VAV3: variants seen among roughly 807,000 people sequenced by gnomAD.
VAV3 encodes vav guanine nucleotide exchange factor 3.
A neutral mutation model predicts 131.2 loss-of-function variants in VAV3; 94 were observed. The observed-to-expected ratio is 0.72, with a 90% CI of 0.61 to 0.85. The LOEUF is 0.85. Among genes scored for constraint, VAV3 ranks in the 40% least tolerant of loss-of-function variants. The pLI, the probability that VAV3 is intolerant of heterozygous loss-of-function variation, is 0.00. For synonymous variants in VAV3, 349 were observed against 342.0 expected (o/e 1.02, Z -0.22); for missense variants, 939 against 1,002.7 (o/e 0.94, Z 0.86).
intron 2 of VAV3, among the ~76,000 whole-genome samples, chr1:107,810,695 T>C (rs1667275843): frequency 6.6e-6 from 1 of 152,124 alleles, no homozygotes; most frequent in African/African-American, 2.4e-5. Context: ...TATTTTTCTA[T>C]ACAAGCATAA....
intron 22 of VAV3, among the ~76,000 whole-genome samples, chr1:107,608,013 G>A (rs1251817897): frequency 6.6e-6 from 1 of 152,000 alleles, no homozygotes; most frequent in Non-Finnish European, 1.5e-5. Flanking sequence ...ACATCAAACT[G>A]CCTGCTTAGT....
intron 17 of VAV3, chr1:107,688,613 TCA>T (rs1659200494): frequency 1.5e-6 from 2 of 1,356,252 alleles, no homozygotes; most frequent in Non-Finnish European, 2.0e-6. Context: ...GGAAAGTGAC[TCA>T]CAGTTTTAAA....
chr1:107,786,784 T>C (rs1233643933), intron 2 of VAV3, among the ~76,000 whole-genome samples: 1 of 152,190 alleles, frequency 6.6e-6, no homozygotes, highest in Non-Finnish European at 1.5e-5. Flanking sequence ...AAAATCTGTG[T>C]AACTAGGGTG....
chr1:107,643,476 G>A (rs1292887702), intron 19 of VAV3, among the ~76,000 whole-genome samples: 4 of 152,142 alleles, frequency 2.6e-5, no homozygotes, highest in African/African-American at 9.7e-5. Context: ...CATGGGTCTA[G>A]GTGCAGCAAT....
intron 1 of VAV3, among the ~76,000 whole-genome samples, chr1:107,898,527 T>C (rs971504479): frequency 2.6e-5 from 4 of 152,200 alleles, no homozygotes; most frequent in Admixed American, 1.3e-4. Context: ...TGTTACTTAA[T>C]ACATCCATTT....
intron 13 of VAV3, among the ~76,000 whole-genome samples, chr1:107,750,584 C>T (rs752696979): frequency 1.1e-4 from 17 of 152,276 alleles, no homozygotes; most frequent in East Asian, 7.7e-4. Flanking sequence ...TACTGGCTTT[C>T]GCTTCTCCAA....
At chr1:107,705,116 T>C (rs1215278585) in intron 15 of VAV3, 55 bp from the exon 16 acceptor site, 1 of 1,367,220 alleles carries the variant, frequency 7.3e-7, no homozygotes, top group African/African-American at 1.4e-5. Context: ...AAAGCTGCAA[T>C]TTAGTCATCT....
intron 15 of VAV3, among the ~76,000 whole-genome samples, chr1:107,740,681 C>T (rs1426054056): frequency 6.6e-6 from 1 of 152,172 alleles, no homozygotes; most frequent in African/African-American, 2.4e-5. Flanking sequence ...TTTGTGGTAA[C>T]ATATATTAAC....
At chr1:107,884,802 C>T (rs1325393041) in intron 1 of VAV3, among the ~76,000 whole-genome samples, 2 of 151,892 alleles carry the variant, frequency 1.3e-5, no homozygotes, top group Admixed American at 6.6e-5. Context: ...AAATATGGCA[C>T]AATCTACATT....
In VAV3 at chr1:107,668,425, T is replaced by A. The variant is rs1007728510; in HGVS notation, c.1777+15063A>T. On this transcript the variant is annotated intron_variant, in intron 19 of 26. Coordinates refer to ENST00000370056, the MANE Select transcript of VAV3 (RefSeq NM_006113.5). ...CACAACTCTCAGTGTAGCTTCCTCA[T>A]CTGTAAAATGGGCATAATACCTCTC... is the stretch of plus-strand genomic sequence containing the variant. Among the ~76,000 whole-genome samples the A allele has an allele frequency of 7.4e-4, 113 of 152,332 alleles. 1 individual carries two copies. The highest frequency in any genetic ancestry group is 2.6e-3 in the African/African-American group (109 of 41,574).
chr1:107,772,597 G>C, intron 5 of VAV3, 138 bp downstream of exon 5: 1 of 653,666 alleles, frequency 1.5e-6, no homozygotes, highest in Non-Finnish European at 2.5e-6. Flanking sequence ...TCCAAATGCA[G>C]TAACAAGTCA....
intron 1 of VAV3, among the ~76,000 whole-genome samples, chr1:107,899,743 C>T (rs1378203742): frequency 2.6e-5 from 4 of 152,078 alleles, no homozygotes; most frequent in East Asian, 1.9e-4. Flanking sequence ...AGGTGAGGTA[C>T]GTGTGGTTAG....
intron 1 of VAV3, among the ~76,000 whole-genome samples, chr1:107,926,654 G>A (rs78223403): frequency 1.2e-4 from 18 of 152,148 alleles, no homozygotes; most frequent in African/African-American, 3.1e-4. Context: ...TGCAGCAAGC[G>A]CGAGGCATTG....
intron 2 of VAV3, among the ~76,000 whole-genome samples, chr1:107,853,350 G>C (rs1168020035): frequency 6.6e-6 from 1 of 152,110 alleles, no homozygotes; most frequent in African/African-American, 2.4e-5. Flanking sequence ...TAGGAGACAA[G>C]TGTTTTCCAT....
chr1:107,637,776 A>G (rs574081213), intron 20 of VAV3, among the ~76,000 whole-genome samples: 1 of 152,354 alleles, frequency 6.6e-6, no homozygotes, highest in South Asian at 2.1e-4. Context: ...AAGAGAAGGG[A>G]CTAGATCCCA....
At chr1:107,734,449 G>A (rs1570855966) in intron 15 of VAV3, among the ~76,000 whole-genome samples, 2 of 152,306 alleles carry the variant, frequency 1.3e-5, no homozygotes, top group African/African-American at 4.8e-5. Flanking sequence ...TCAGTGTGCT[G>A]TATTCAGGAG....
At chr1:107,754,492 T>C (rs1194223051) in intron 12 of VAV3, among the ~76,000 whole-genome samples, 3 of 152,216 alleles carry the variant, frequency 2.0e-5, no homozygotes. Flanking sequence ...CAGGGCTGCA[T>C]CCTCTCTTGA....
intron 2 of VAV3, among the ~76,000 whole-genome samples, chr1:107,812,590 T>C (rs974840903): frequency 6.6e-6 from 1 of 152,114 alleles, no homozygotes; most frequent in Non-Finnish European, 1.5e-5. Context: ...GAATAATGTA[T>C]AGTGCTCAGA....
chr1:107,920,718 T>C (rs1203622636), intron 1 of VAV3, among the ~76,000 whole-genome samples: 1 of 152,228 alleles, frequency 6.6e-6, no homozygotes, highest in Non-Finnish European at 1.5e-5. Flanking sequence ...AAACATTTCC[T>C]TCTCCTCCAG....
Sources: allele counts gnomAD v4.1 joint callset (sites outside exome capture counted in the v4.1 genomes callset), GRCh38; gene constraint gnomAD v4.1.1; transcripts MANE v1.5; gene names NCBI Gene and HGNC (gene_info 2026-07-23, HGNC 2026-07-21).